KCNJ9: variants seen among roughly 807,000 people sequenced by gnomAD.
KCNJ9 encodes the protein potassium inwardly rectifying channel subfamily J member 9.
In KCNJ9, 18 loss-of-function variants were observed where a neutral mutation model predicts 27.9. That is an observed-to-expected ratio of 0.65 (90% confidence interval 0.45 to 0.96). KCNJ9 has a LOEUF of 0.96. Ranked by LOEUF, KCNJ9 falls within the 40% of genes least tolerant of loss-of-function variation. The probability of loss-of-function intolerance (pLI) is 0.00; values close to 1 mark genes in which losing one functional copy is unlikely to be tolerated. For missense variants in KCNJ9, 324 were observed against 557.5 expected (o/e 0.58, Z 4.22); for synonymous variants, 229 against 248.2 (o/e 0.92, Z 0.73).
At chr1:160,085,705 C>A (rs143032743) in intron 2 of KCNJ9, among the ~76,000 whole-genome samples, 17 of 152,336 alleles carry the variant, frequency 1.1e-4, no homozygotes, top group African/African-American at 3.1e-4. Flanking sequence ...ACCAGTGTTA[C>A]AGGAGTCGCA....
At chr1:160,086,056 C>T (rs1649771941) in intron 2 of KCNJ9, among the ~76,000 whole-genome samples, 1 of 152,180 alleles carries the variant, frequency 6.6e-6, no homozygotes, top group Non-Finnish European at 1.5e-5. Context: ...CCCTCACCCT[C>T]CAGGGAAGTT....
In KCNJ9 at chr1:160,081,712, G is replaced by A. The variant is rs1649680900; in HGVS notation, c.-115+15G>A. 1.3e-5 allele frequency: 2 copies of A among 152,152 alleles called. No individual in the cohort carries two copies. The highest frequency in any genetic ancestry group is 2.1e-4 in the South Asian group (1 of 4,826). 9.4% of individuals were successfully genotyped at this position (152,152 alleles called of 1,614,324 possible). A position where few individuals can be genotyped will look rare whatever the true frequency, so the allele number is the denominator to read the frequency against. ...CTCCACGTGCTGTGAGTTGAGTTGC[G>A]GGGGACTTGGGGTTTGGGCCCCTAT... On this transcript the variant is annotated intron_variant, in intron 1 of 2. Coordinates refer to ENST00000368088, the MANE Select transcript of KCNJ9 (RefSeq NM_004983.3).
At chr1:160,082,793 T>TAGAGGA (rs2101944348) in intron 1 of KCNJ9, among the ~76,000 whole-genome samples, 1 of 152,266 alleles carries the variant, frequency 6.6e-6, no homozygotes, top group East Asian at 1.9e-4. Flanking sequence ...GGTCCATATC[T>TAGAGGA]CCTAGAGGAC....
At position 160,084,069 on chromosome 1, in the gene KCNJ9, G is replaced by A. The variant is rs149166747; in HGVS notation, c.39G>A (p.Glu13=). Residue 13 remains glutamate (E), a synonymous_variant, in exon 2 of 3, where the codon GAG becomes GAA. Coordinates refer to ENST00000368088, the MANE Select transcript of KCNJ9 (RefSeq NM_004983.3). ...QENAAFSPGQ[E]EPPRRRGRQR... ...ACGCGGCCTTCTCGCCCGGGCAGGA[G>A]GAGCCGCCGCGGCGCCGCGGCCGCC... 1.3e-3 allele frequency: 1,978 copies of A among 1,533,906 alleles called. 21 individuals are homozygous for A. In the African/African-American group the frequency reaches 0.023, roughly 18 times the overall value.
At position 160,084,045 on chromosome 1, in the gene KCNJ9, C is replaced by T. The variant is rs897664510; in HGVS notation, c.15C>T (p.Asn5=). 1.1e-5 allele frequency: 16 copies of T among 1,515,572 alleles called. No homozygotes were observed. The highest frequency in any genetic ancestry group is 1.4e-5 in the Non-Finnish European group (16 of 1,136,008). The allele number at this position is 1,515,572 out of a possible 1,614,324, so 93.9% of individuals were successfully genotyped here. ...ACGCGGCCGCCATGGCGCAGGAGAA[C>T]GCGGCCTTCTCGCCCGGGCAGGAGG... MAQE[N]AAFSPGQEEP... The change falls in exon 2 of 3, where the codon AAC becomes AAT. Residue 5 remains asparagine (N), a synonymous_variant. Transcript: ENST00000368088.
In KCNJ9 at chr1:160,089,773, GC is replaced by G. The variant is rs1649860879; in HGVS notation, c.*1959del. On this transcript the variant is annotated 3_prime_UTR_variant, in exon 3 of 3. Transcript: ENST00000368088. ...GAAGCTGGCCTGGAGAAAAGCATAG[GC>G]CCAGGAGAGCCTGCCCTGGGACAGC... 1 of 152,354 alleles carries G rather than the reference GC, an allele frequency of 6.6e-6. No individual in the cohort carries two copies. The highest frequency in any genetic ancestry group is 1.5e-5 in the Non-Finnish European group (1 of 68,168). The allele number at this position is 152,354 out of a possible 1,614,324, so 9.4% of individuals were successfully genotyped here.
rs982734180 is a variant in KCNJ9 at position 160,088,076 on chromosome 1, G to A, written c.*259G>A. 7.6e-6 allele frequency: 3 copies of A among 395,456 alleles called. No individual in the cohort carries two copies. The highest frequency in any genetic ancestry group is 1.3e-5 in the Non-Finnish European group (3 of 223,910). The allele number at this position is 395,456 out of a possible 1,614,324, so 24.5% of individuals were successfully genotyped here. ...GTTTGACCTTCACATTTGTTCATGA[G>A]TGGATGGATGGACAGAATGATGGAC... On this transcript the variant is annotated 3_prime_UTR_variant, in exon 3 of 3. Coordinates refer to ENST00000368088, the MANE Select transcript of KCNJ9 (RefSeq NM_004983.3).
rs756062305 is a variant in KCNJ9, at chr1:160,087,702, G to C, written c.1067G>C (p.Arg356Pro). The stretch of plus-strand genomic sequence containing the variant: ...CATCTCTACTGGTCCATCCCCAGCC[G>C]GCTGGATGAGAAGGTGGAGGAGGAG... Reference protein sequence around the residue: ...DAHLYWSIPSRLDEKVEEEGA... With the variant: ...DAHLYWSIPSPLDEKVEEEGA... Residue 356 changes from arginine (R) to proline (P), a missense_variant, in exon 3 of 3, where the codon CGG (arginine) becomes CCG (proline). Around this residue, in one of 3 missense-constraint regions of KCNJ9, gnomAD observed 51 missense variants for 44.1 expected, o/e 1.16. Transcript: ENST00000368088. 7.1e-7 allele frequency: 1 copy of C among 1,417,188 alleles called. No individual in the cohort carries two copies. Among genetic ancestry groups the C allele is most frequent in the Non-Finnish European group, 9.5e-7 (1 of 1,056,410 alleles). The allele number at this position is 1,417,188 out of a possible 1,614,324, so 87.8% of individuals were successfully genotyped here.
rs1197736547 is a variant in KCNJ9, at chr1:160,084,642, C to T, written c.612C>T (p.Ser204=). 4 of 1,602,768 alleles carry T rather than the reference C, an allele frequency of 2.5e-6. No individual in the cohort carries two copies. Among genetic ancestry groups the T allele is most frequent in the Non-Finnish European group, 3.4e-6 (4 of 1,174,894 alleles). ...GCTCCTCACACATAGTGGAGGCCTC[C>T]ATCCGCGCCAAGCTCATCCGCTCGC... is the stretch of plus-strand genomic sequence containing the variant. The part of the protein sequence containing the change: ...DLRSSHIVEA[S]IRAKLIRSRQ... The change falls in exon 2 of 3, where the codon TCC becomes TCT. Residue 204 remains serine, a synonymous_variant. Coordinates refer to ENST00000368088, the MANE Select transcript of KCNJ9 (RefSeq NM_004983.3).
At chr1:160,085,347 AT>A (rs1403077084) in intron 2 of KCNJ9, among the ~76,000 whole-genome samples, 4 of 152,348 alleles carry the variant, frequency 2.6e-5, no homozygotes, top group African/African-American at 9.6e-5. Context: ...ATAAGTGGCC[AT>A]GCCTGGATTG....
At position 160,087,711 on chromosome 1, in the gene KCNJ9, A is replaced by T; in HGVS notation, c.1076A>T (p.Glu359Val). 1.1e-6 allele frequency: 1 copy of T among 882,140 alleles called. No individual in the cohort carries two copies. Among genetic ancestry groups the T allele is most frequent in the Non-Finnish European group, 1.4e-6 (1 of 692,064 alleles). 54.6% of individuals were successfully genotyped at this position (882,140 alleles called of 1,614,324 possible). ...LYWSIPSRLD[E>V]KVEEEGAGEG... is the part of the protein sequence containing the mutation. ...TGGTCCATCCCCAGCCGGCTGGATGAGAAGGTGGAGGAGGAGGGGGCGGGG... is the reference window on the plus strand; with the variant it reads ...TGGTCCATCCCCAGCCGGCTGGATGTGAAGGTGGAGGAGGAGGGGGCGGGG... Residue 359 changes from glutamate to valine, a missense_variant, in exon 3 of 3, where the codon GAG (glutamate) becomes GTG (valine). Coordinates refer to ENST00000368088, the MANE Select transcript of KCNJ9 (RefSeq NM_004983.3).
At chr1:160,086,300 T>A (rs968615114) in intron 2 of KCNJ9, among the ~76,000 whole-genome samples, 2 of 152,104 alleles carry the variant, frequency 1.3e-5, no homozygotes, top group Non-Finnish European at 2.9e-5. Context: ...TGGATATGGG[T>A]TGGGGGCAAG....
chr1:160,081,906 G>T (rs905760880), intron 1 of KCNJ9, among the ~76,000 whole-genome samples: 1 of 152,230 alleles, frequency 6.6e-6, no homozygotes, highest in Non-Finnish European at 1.5e-5. Flanking sequence ...GCATGCACAA[G>T]AAATGAGGAG....
intron 2 of KCNJ9, among the ~76,000 whole-genome samples, chr1:160,087,154 G>A (rs1457977180): frequency 6.6e-6 from 1 of 152,218 alleles, no homozygotes; most frequent in East Asian, 1.9e-4. Context: ...TGTTAGAAAT[G>A]CTCCTTTGGG....
At position 160,087,986 on chromosome 1, in the gene KCNJ9, A is replaced by G. The variant is rs1649814188; in HGVS notation, c.*169A>G. On this transcript the variant is annotated 3_prime_UTR_variant, in exon 3 of 3. Coordinates refer to ENST00000368088, the MANE Select transcript of KCNJ9 (RefSeq NM_004983.3). ...CAGAACCTCAAGTCTAGAAACCAGT[A>G]TGGAAGGGAGGGGTCCTGATTTCAG... 1 of 571,398 alleles carries G rather than the reference A, an allele frequency of 1.8e-6. No homozygotes were observed. The highest frequency in any genetic ancestry group is 2.7e-6 in the Non-Finnish European group (1 of 369,880). 35.4% of individuals were successfully genotyped at this position (571,398 alleles called of 1,614,324 possible).
chr1:160,082,001 T>C (rs1649685899), intron 1 of KCNJ9, among the ~76,000 whole-genome samples: 1 of 152,188 alleles, frequency 6.6e-6, no homozygotes, highest in African/African-American at 2.4e-5. Context: ...TTTCACACTT[T>C]TCCTTCCCCT....
chr1:160,084,146 G>T lies in KCNJ9; in HGVS notation c.116G>T (p.Arg39Leu), dbSNP rs1378344181. Residue 39 changes from arginine (R) to leucine (L), a missense_variant, in exon 2 of 3, where the codon CGC becomes CTC. This residue lies in a region of KCNJ9 where 241 missense variants were observed against 481.7 expected (regional missense o/e 0.50). Coordinates refer to ENST00000368088, the MANE Select transcript of KCNJ9 (RefSeq NM_004983.3). The part of the protein sequence containing the change: ...GRCNVQQGNV[R>L]ETYRYLTDLF... ...TGCAACGTGCAGCAGGGCAACGTGC[G>T]CGAGACATACCGCTACCTGACGGAC... is the stretch of plus-strand genomic sequence containing the variant. The T allele has an allele frequency of 3.8e-6, 6 of 1,581,926 alleles. No homozygotes were observed. Among genetic ancestry groups the T allele is most frequent in the Non-Finnish European group, 4.3e-6 (5 of 1,163,980 alleles).
intron 2 of KCNJ9, among the ~76,000 whole-genome samples, chr1:160,085,862 T>G (rs1649768885): frequency 6.6e-6 from 1 of 152,254 alleles, no homozygotes; most frequent in African/African-American, 2.4e-5. Context: ...GCTGACAAGC[T>G]GGTGCCTTCA....
At chr1:160,085,024 G>C in intron 2 of KCNJ9, 144 bp downstream of exon 2, 2 of 979,828 alleles carry the variant, frequency 2.0e-6, no homozygotes. Context: ...TGAGACAGGG[G>C]TCGGAGGCGG....
Sources: allele counts gnomAD v4.1 joint callset (sites outside exome capture counted in the v4.1 genomes callset), GRCh38; gene constraint gnomAD v4.1.1; regional missense constraint gnomAD v4.1.1; transcripts MANE v1.5; gene names NCBI Gene and HGNC (gene_info 2026-07-23, HGNC 2026-07-21).